Variants in LDLRAD3 observed in about 807,000 individuals in gnomAD.
LDLRAD3 encodes low density lipoprotein receptor class A domain containing 3, also known as low-density lipoprotein receptor class A domain-containing protein 3.
In LDLRAD3, 20 loss-of-function variants were observed where a neutral mutation model predicts 29.4. The ratio of observed to expected loss-of-function variants is 0.68; its 90% confidence interval spans 0.48 to 0.99. The LOEUF (loss-of-function observed/expected upper bound fraction) is 0.99. Among genes scored for constraint, LDLRAD3 ranks in the 50% least tolerant of loss-of-function variants. The pLI, the probability that LDLRAD3 is intolerant of heterozygous loss-of-function variation, is 0.00. For missense variants in LDLRAD3, 420 were observed against 454.3 expected (o/e 0.92, Z 0.69); for synonymous variants, 157 against 192.7 (o/e 0.81, Z 1.53).
At chr11:36,103,115 A>G (rs1302419013) in intron 4 of LDLRAD3, among the ~76,000 whole-genome samples, 1 of 152,086 alleles carries the variant, frequency 6.6e-6, no homozygotes, top group East Asian at 1.9e-4. Context: ...CTCTATACCC[A>G]TTAAAAAATA....
chr11:36,214,908 C>T (rs1337555322), intron 4 of LDLRAD3, among the ~76,000 whole-genome samples: 5 of 152,204 alleles, frequency 3.3e-5, no homozygotes, highest in African/African-American at 1.2e-4. Flanking sequence ...TTTGGGGATT[C>T]AGGGATGAGC....
At chr11:36,041,761 T>C (rs887072042) in intron 2 of LDLRAD3, among the ~76,000 whole-genome samples, 1 of 152,176 alleles carries the variant, frequency 6.6e-6, no homozygotes, top group African/African-American at 2.4e-5. Flanking sequence ...GGATCTTGAA[T>C]GTTTGGGGTC....
At chr11:36,026,204 C>A (rs76088939) in intron 1 of LDLRAD3, among the ~76,000 whole-genome samples, 2 of 152,314 alleles carry the variant, frequency 1.3e-5, no homozygotes, top group East Asian at 1.9e-4. Flanking sequence ...CAGTAAGTTT[C>A]TCAGATTTAC....
At chr11:36,052,317 A>G (rs575553316) in intron 2 of LDLRAD3, among the ~76,000 whole-genome samples, 23 of 152,348 alleles carry the variant, frequency 1.5e-4, no homozygotes, top group African/African-American at 5.3e-4. Flanking sequence ...CATGCGTATT[A>G]TCTCCTAAAG....
intron 1 of LDLRAD3, among the ~76,000 whole-genome samples, chr11:36,019,712 C>T (rs1321719042): frequency 6.6e-6 from 1 of 152,218 alleles, no homozygotes; most frequent in Non-Finnish European, 1.5e-5. Context: ...GCCCATCACA[C>T]TGTGTTGCAG....
At chr11:36,221,507 CA>C (rs1855428867) in intron 4 of LDLRAD3, among the ~76,000 whole-genome samples, 1 of 152,052 alleles carries the variant, frequency 6.6e-6, no homozygotes, top group Non-Finnish European at 1.5e-5. Flanking sequence ...GGACAGGAAA[CA>C]ATAAAGGAAC....
At chr11:36,183,963 C>CTTTT (rs547281058) in intron 4 of LDLRAD3, 109 of 221,080 alleles carry the variant, frequency 4.9e-4, no homozygotes, top group Middle Eastern at 1.8e-3. Context: ...TATATTTCAT[C>CTTTT]TTTTTTTTTT....
At chr11:35,976,576 C>G (rs1197443614) in intron 1 of LDLRAD3, among the ~76,000 whole-genome samples, 1 of 152,122 alleles carries the variant, frequency 6.6e-6, no homozygotes, top group Non-Finnish European at 1.5e-5. Context: ...CCTGTGTACC[C>G]TCATTTCCTC....
intron 2 of LDLRAD3, among the ~76,000 whole-genome samples, chr11:36,076,506 C>A (rs543838146): frequency 1.3e-5 from 2 of 152,238 alleles, no homozygotes; most frequent in African/African-American, 4.8e-5. Flanking sequence ...CTGCCTCAGC[C>A]TCCTGAGTGG....
intron 4 of LDLRAD3, among the ~76,000 whole-genome samples, chr11:36,218,765 C>T (rs1224701424): frequency 6.6e-6 from 1 of 152,186 alleles, no homozygotes; most frequent in Non-Finnish European, 1.5e-5. Context: ...CCCTCATGAC[C>T]CTCACTGTCT....
chr11:36,133,343 ATTTTCTTTTCCTTTCTTTTC>A lies in LDLRAD3; in HGVS notation c.454+34893_454+34912del, dbSNP rs1216967582. Among the ~76,000 whole-genome samples, 81 of 136,914 alleles carry A rather than the reference ATTTTCTTTTCCTTTCTTTTC, an allele frequency of 5.9e-4. No individual in the cohort carries two copies. In the East Asian group the frequency reaches 0.011, roughly 19 times the overall value. The allele number at this position is 136,914 out of a possible 152,430, so 89.8% of individuals were successfully genotyped here. A position where few individuals can be genotyped will look rare whatever the true frequency, so the allele number is the denominator to read the frequency against. The stretch of plus-strand genomic sequence containing the variant: ...CAGCCATCATGCCCAGCCTGAGTCC[ATTTTCTTTTCCTTTCTTTTC>A]TTTTCTTTTCTTTTCTTTTCTTTTC... On this transcript the variant is annotated intron_variant, in intron 4 of 5. Transcript: ENST00000315571.
At chr11:36,018,218 A>G (rs1201839399) in intron 1 of LDLRAD3, among the ~76,000 whole-genome samples, 1 of 152,190 alleles carries the variant, frequency 6.6e-6, no homozygotes, top group Non-Finnish European at 1.5e-5. Context: ...GTAAAGCATC[A>G]GTGATTTCAT....
chr11:36,031,896 T>G (rs553157039), intron 1 of LDLRAD3, among the ~76,000 whole-genome samples: 67 of 152,330 alleles, frequency 4.4e-4, no homozygotes, highest in Admixed American at 4.4e-3. Flanking sequence ...GTCCACAGAC[T>G]GGGTGGCTGA....
At position 35,992,440 on chromosome 11, in the gene LDLRAD3, C is replaced by A. The variant is rs116507968; in HGVS notation, c.47-43663C>A. Among the ~76,000 whole-genome samples the A allele has an allele frequency of 7.5e-3, 1,135 of 152,270 alleles. 15 individuals are homozygous for A. Among genetic ancestry groups the A allele is most frequent in the African/African-American group, 0.026 (1,082 of 41,546 alleles). Reference sequence around the variant, plus strand: ...CATAATAGCCTGAAAGTGGCAACAACCCACATGTTCCCCAGTGGATGAATG... The same window carrying A: ...CATAATAGCCTGAAAGTGGCAACAAACCACATGTTCCCCAGTGGATGAATG... On this transcript the variant is annotated intron_variant, in intron 1 of 5. Coordinates refer to ENST00000315571, the MANE Select transcript of LDLRAD3 (RefSeq NM_174902.4).
intron 4 of LDLRAD3, among the ~76,000 whole-genome samples, chr11:36,104,905 G>A (rs1853504762): frequency 6.6e-6 from 1 of 152,148 alleles, no homozygotes; most frequent in Non-Finnish European, 1.5e-5. Context: ...AGTTTATGGG[G>A]GAGATTAGTA....
intron 1 of LDLRAD3, among the ~76,000 whole-genome samples, chr11:35,950,474 T>G (rs898103280): frequency 3.3e-5 from 5 of 152,168 alleles, no homozygotes; most frequent in Non-Finnish European, 5.9e-5. Flanking sequence ...TTTTGGACAA[T>G]AGCCTTCTTT....
intron 2 of LDLRAD3, among the ~76,000 whole-genome samples, chr11:36,080,037 A>G (rs775773876): frequency 6.6e-5 from 10 of 152,244 alleles, no homozygotes; most frequent in Non-Finnish European, 1.0e-4. Context: ...AACCTGGAAC[A>G]TTTCAGGCCT....
chr11:36,115,820 G>A (rs943108548), intron 4 of LDLRAD3, among the ~76,000 whole-genome samples: 1 of 152,178 alleles, frequency 6.6e-6, no homozygotes, highest in Non-Finnish European at 1.5e-5. Flanking sequence ...AGGCATGGAG[G>A]ATATGGAGGA....
intron 2 of LDLRAD3, among the ~76,000 whole-genome samples, chr11:36,063,987 G>T (rs1236984251): frequency 2.6e-5 from 4 of 152,140 alleles, no homozygotes; most frequent in Admixed American, 2.6e-4. Flanking sequence ...CATAGACTCT[G>T]TGGATCAATT....
Sources: allele counts gnomAD v4.1 joint callset (sites outside exome capture counted in the v4.1 genomes callset), GRCh38; gene constraint gnomAD v4.1.1; transcripts MANE v1.5; gene names NCBI Gene and HGNC (gene_info 2026-07-23, HGNC 2026-07-21).